The following CEP192 variants were observed in gnomAD, a reference collection of about 807,000 sequenced individuals.
CEP192 encodes centrosomal protein of 192 kDa.
In CEP192, 151 loss-of-function variants were observed where a neutral mutation model predicts 271.8. That is an observed-to-expected ratio of 0.56 (90% CI 0.49 to 0.64). The LOEUF (loss-of-function observed/expected upper bound fraction) is 0.64, where lower values mean the gene tolerates loss of function less well. Ranked by LOEUF, CEP192 falls within the 30% of genes least tolerant of loss-of-function variation. The probability of loss-of-function intolerance (pLI) is 0.00; values close to 1 mark genes in which losing one functional copy is unlikely to be tolerated. For synonymous variants in CEP192, 995 were observed against 1,076.5 expected (o/e 0.92, Z 1.48); for missense variants, 2,910 against 3,020.5 (o/e 0.96, Z 0.86).
intron 36 of CEP192, among the ~76,000 whole-genome samples, chr18:13,096,645 A>T (rs1311624515): frequency 6.6e-6 from 1 of 152,190 alleles, no homozygotes; most frequent in African/African-American, 2.4e-5. Context: ...GCAACTGGAC[A>T]TGGGATGAGG....
chr18:13,033,459 G>A (rs1423259441), intron 11 of CEP192, among the ~76,000 whole-genome samples: 2 of 152,134 alleles, frequency 1.3e-5, no homozygotes, highest in African/African-American at 4.8e-5. Context: ...AGGGACACAG[G>A]TATGCTAGTC....
chr18:13,079,245 CCCA>C (rs1221151157), intron 30 of CEP192, among the ~76,000 whole-genome samples: 2 of 152,206 alleles, frequency 1.3e-5, no homozygotes, highest in South Asian at 2.1e-4. Flanking sequence ...AGTTTACACT[CCCA>C]CCAACAGTGT....
intron 38 of CEP192, among the ~76,000 whole-genome samples, chr18:13,102,709 T>TG (rs543244556): frequency 1.5e-3 from 230 of 152,344 alleles, no homozygotes; most frequent in Non-Finnish European, 2.9e-3. Context: ...CACCTGCTCC[T>TG]GCTCGGATCC....
chr18:13,103,695 G>A (rs1466107910), intron 39 of CEP192, 107 bp downstream of exon 39: 1 of 956,848 alleles, frequency 1.0e-6, no homozygotes, highest in Admixed American at 1.8e-5. Context: ...TTATTTGCTT[G>A]TTTGTTTTCT....
At chr18:13,071,714 G>A (rs1242756613) in intron 28 of CEP192, among the ~76,000 whole-genome samples, 1 of 148,718 alleles carries the variant, frequency 6.7e-6, no homozygotes, top group Non-Finnish European at 1.5e-5. Flanking sequence ...CTGTAAAATT[G>A]TTTGTTGTTG....
chr18:13,097,848 T>C (rs1471083516), intron 36 of CEP192, among the ~76,000 whole-genome samples: 2 of 151,980 alleles, frequency 1.3e-5, no homozygotes, highest in African/African-American at 4.8e-5. Flanking sequence ...CGATGACTCT[T>C]AACGAACATG....
At chr18:13,053,526 C>G (rs2036916058) in intron 18 of CEP192, among the ~76,000 whole-genome samples, 1 of 152,092 alleles carries the variant, frequency 6.6e-6, no homozygotes, top group African/African-American at 2.4e-5. Context: ...CAAACTGCAT[C>G]TGGGCACTCC....
intron 30 of CEP192, among the ~76,000 whole-genome samples, chr18:13,081,068 A>T (rs1022621092): frequency 3.9e-5 from 6 of 152,150 alleles, no homozygotes; most frequent in Non-Finnish European, 4.4e-5. Flanking sequence ...TTTCCCATCG[A>T]TGTTCATCAG....
rs1410560040 is a variant in CEP192 at position 13,124,708 on chromosome 18, C to G, written c.7552C>G (p.Gln2518Glu). Reference protein sequence around the residue: ...AGKFEALLVIQTDEGKSIAIR... With the variant: ...AGKFEALLVIETDEGKSIAIR... Reference sequence around the variant, plus strand: ...CAAATTTGAAGCTTTGCTTGTCATTCAAACAGATGAAGGCAAGAGTATTGC... The same window carrying G: ...CAAATTTGAAGCTTTGCTTGTCATTGAAACAGATGAAGGCAAGAGTATTGC... The change falls in exon 45 of 45, where the codon CAA becomes GAA. Residue 2518 changes from glutamine (Q) to glutamate (E), a missense_variant. By Grantham distance (29) the Gln-to-Glu change is conservative. Transcript: ENST00000506447. 3.1e-6 allele frequency: 5 copies of G among 1,613,972 alleles called. No individual in the cohort carries two copies. Among genetic ancestry groups the G allele is most frequent in the Non-Finnish European group, 4.2e-6 (5 of 1,179,914 alleles).
intron 1 of CEP192, among the ~76,000 whole-genome samples, chr18:12,997,417 G>A (rs1568253164): frequency 6.6e-6 from 1 of 152,130 alleles, no homozygotes; most frequent in Non-Finnish European, 1.5e-5. Context: ...AAGAAACAAA[G>A]ACAATTATTC....
chr18:13,062,521 G>C (rs1261965241), intron 21 of CEP192, among the ~76,000 whole-genome samples: 1 of 121,730 alleles, frequency 8.2e-6, no homozygotes, highest in Non-Finnish European at 1.7e-5. Context: ...ATTTGGTACT[G>C]TTAGATTTTT....
At chr18:13,102,134 A>AC (rs2039736677) in intron 38 of CEP192, among the ~76,000 whole-genome samples, 1 of 150,884 alleles carries the variant, frequency 6.6e-6, no homozygotes, top group Admixed American at 6.6e-5. Context: ...AGCTCCTGCC[A>AC]CCCCCCACAG....
Position 13,055,777 on chromosome 18 carries a change from C to CA in CEP192, c.3190-2dup, listed in dbSNP as rs763708389. 7.8e-6 allele frequency: 12 copies of CA among 1,536,966 alleles called. No homozygotes were observed. In the Middle Eastern group the frequency reaches 7.0e-4, roughly 90 times the overall value. ...TATTAAAAACAAATTTTGTTGCACTCAGAGTGATATCACCAGCGAGTTGAG... is the reference window on the plus strand; with the variant it reads ...TATTAAAAACAAATTTTGTTGCACTCAAGAGTGATATCACCAGCGAGTTGAG... On this transcript the variant is annotated splice_polypyrimidine_tract_variant and splice_region_variant and intron_variant, in intron 18 of 44. Coordinates refer to ENST00000506447, the MANE Select transcript of CEP192 (RefSeq NM_032142.4).
In CEP192 at chr18:13,069,800, A is replaced by G. The variant is rs1230800580; in HGVS notation, c.5118A>G (p.Glu1706=). 1 of 1,606,520 alleles carries G rather than the reference A, an allele frequency of 6.2e-7. No individual in the cohort carries two copies. Among genetic ancestry groups the G allele is most frequent in the Non-Finnish European group, 8.5e-7 (1 of 1,173,322 alleles). The change falls in exon 27 of 45, where the codon GAA becomes GAG. Residue 1706 remains glutamate, a synonymous_variant. Coordinates refer to ENST00000506447, the MANE Select transcript of CEP192 (RefSeq NM_032142.4). ...DPKNLLLKPG[E]EHEVIVSFTP... Reference sequence around the variant, plus strand: ...AGAATCTACTCCTTAAACCTGGAGAAGAACATGAGGTTATTGTTTCATTTA... The same window carrying G: ...AGAATCTACTCCTTAAACCTGGAGAGGAACATGAGGTTATTGTTTCATTTA...
intron 44 of CEP192, among the ~76,000 whole-genome samples, chr18:13,122,832 C>CGTGTGTGT (rs59158168): frequency 7.3e-5 from 11 of 150,346 alleles, no homozygotes; most frequent in African/African-American, 2.4e-4. Context: ...TACCTTTTCC[C>CGTGTGTGT]GTGTGTGTGT....
At chr18:13,041,995 G>A (rs1040249025) in intron 14 of CEP192, among the ~76,000 whole-genome samples, 1 of 152,176 alleles carries the variant, frequency 6.6e-6, no homozygotes, top group Non-Finnish European at 1.5e-5. Context: ...TTCAAAGTTT[G>A]GACTCTGCAG....
intron 19 of CEP192, among the ~76,000 whole-genome samples, 199 bp from the exon 20 acceptor site, chr18:13,057,386 C>T (rs1273506643): frequency 3.3e-5 from 5 of 151,996 alleles, no homozygotes; most frequent in East Asian, 1.9e-4. Context: ...TCTTTTCCTG[C>T]GCTGGATGGA....
intron 19 of CEP192, 60 bp from the exon 20 acceptor site, chr18:13,057,525 G>A: frequency 6.3e-7 from 1 of 1,575,528 alleles, no homozygotes. Context: ...TAACAGATTT[G>A]GCTTATAATC....
rs2039888434 is a variant in CEP192 at position 13,105,080 on chromosome 18, G to A, written c.7047+1G>A. The A allele has an allele frequency of 6.2e-7, 1 of 1,607,638 alleles. No individual in the cohort carries two copies. Among genetic ancestry groups the A allele is most frequent in the Non-Finnish European group, 8.5e-7 (1 of 1,174,096 alleles). On this transcript the variant is annotated splice_donor_variant, in intron 40 of 44. Transcript: ENST00000506447. LOFTEE classifies it high-confidence loss of function. ...GCTGGAAAGCCATGGGATCCAAAAA[G>A]TAGGTTTTGATATTTTTTTCCATAG...
Sources: gnomAD v4.1 joint callset for allele counts (sites outside exome capture counted in the v4.1 genomes callset) on GRCh38, gnomAD v4.1.1 for gene constraint, MANE v1.5 for transcripts, NCBI Gene and HGNC (gene_info 2026-07-23, HGNC 2026-07-21) for gene names.